The following SYN3 variants were observed in gnomAD, a reference collection of about 807,000 sequenced individuals.
SYN3 encodes synapsin-3.
Under a neutral mutation model 65.8 loss-of-function variants are expected in SYN3, and 35 were observed. That is an observed-to-expected ratio of 0.53 (90% CI 0.41 to 0.70). The LOEUF is 0.70. Among genes scored for constraint, SYN3 ranks in the 30% least tolerant of loss-of-function variants. SYN3 has a pLI of 0.00. For synonymous variants in SYN3, 270 were observed against 292.9 expected (o/e 0.92, Z 0.80); for missense variants, 680 against 749.0 (o/e 0.91, Z 1.08).
At chr22:32,881,395 C>T (rs540196507) in intron 4 of SYN3, among the ~76,000 whole-genome samples, 5 of 152,312 alleles carry the variant, frequency 3.3e-5, no homozygotes, top group Non-Finnish European at 5.9e-5. Context: ...TGTGCTCTGT[C>T]GGGTTAACTA....
At chr22:32,922,078 A>G (rs989402575) in intron 4 of SYN3, among the ~76,000 whole-genome samples, 1 of 152,230 alleles carries the variant, frequency 6.6e-6, no homozygotes, top group East Asian at 1.9e-4. Context: ...AGGTGCCATC[A>G]ATAGTGGTGA....
chr22:33,010,974 C>G (rs527475651), intron 1 of SYN3, among the ~76,000 whole-genome samples: 183 of 152,234 alleles, frequency 1.2e-3, no homozygotes, highest in African/African-American at 4.2e-3. Flanking sequence ...ATTGTTGCTA[C>G]TAGTTGTTTA....
chr22:32,765,238 G>C (rs1442873557), intron 6 of SYN3, among the ~76,000 whole-genome samples: 1 of 152,118 alleles, frequency 6.6e-6, no homozygotes, highest in East Asian at 1.9e-4. Context: ...GGAATGTCGG[G>C]GTCTTCAAGG....
intron 6 of SYN3, among the ~76,000 whole-genome samples, chr22:32,640,096 T>C (rs191605521): frequency 1.5e-3 from 225 of 152,272 alleles, no homozygotes; most frequent in African/African-American, 5.3e-3. Context: ...CCAACTGAAA[T>C]GCTTTTTCTC....
intron 6 of SYN3, among the ~76,000 whole-genome samples, chr22:32,798,591 A>G (rs1367634263): frequency 6.6e-6 from 1 of 151,726 alleles, no homozygotes; most frequent in Non-Finnish European, 1.5e-5. Context: ...GACAGGCCAG[A>G]TAGATCTTGA....
chr22:32,851,793 A>C (rs374100022), intron 6 of SYN3, among the ~76,000 whole-genome samples: 2 of 151,794 alleles, frequency 1.3e-5, no homozygotes, highest in African/African-American at 4.8e-5. Context: ...CCTTTCATTC[A>C]CTCTGACCCT....
chr22:32,748,916 C>T (rs915916433), intron 6 of SYN3, among the ~76,000 whole-genome samples: 2 of 152,144 alleles, frequency 1.3e-5, no homozygotes, highest in Admixed American at 1.3e-4. Flanking sequence ...TCTGGTGATA[C>T]TTTTGGGTTC....
At chr22:32,783,311 T>G (rs1317032656) in intron 6 of SYN3, 2 of 152,226 alleles carry the variant, frequency 1.3e-5, no homozygotes, top group Admixed American at 6.5e-5. Flanking sequence ...TGGGACGGGT[T>G]GGAGTACACT....
In SYN3 at chr22:33,030,678, C is replaced by A. The variant is rs1030493519; in HGVS notation, c.-162-23854G>T. Reference sequence around the variant, plus strand: ...ATAGAGACAGAGAGAGAGAGAGATACAGAGAGAGACAGAGAGATCAACACA... The same window carrying A: ...ATAGAGACAGAGAGAGAGAGAGATAAAGAGAGAGACAGAGAGATCAACACA... On this transcript the variant is annotated intron_variant, in intron 1 of 13. Coordinates refer to ENST00000358763, the MANE Select transcript of SYN3 (RefSeq NM_003490.4). Among the ~76,000 whole-genome samples, 7 of 142,798 alleles carry A rather than the reference C, an allele frequency of 4.9e-5. 1 individual carries two copies. The highest frequency in any genetic ancestry group is 4.3e-4 in the East Asian group (2 of 4,676). The allele number at this position is 142,798 out of a possible 152,430, so 93.7% of individuals were successfully genotyped here.
intron 2 of SYN3, among the ~76,000 whole-genome samples, chr22:32,991,322 A>T (rs182041444): frequency 1.5e-3 from 208 of 137,676 alleles, no homozygotes; most frequent in African/African-American, 5.3e-3. Flanking sequence ...TGGGTAACAG[A>T]GTGAGACTCC....
intron 9 of SYN3, among the ~76,000 whole-genome samples, chr22:32,535,173 G>C (rs2058142751): frequency 6.6e-6 from 1 of 152,178 alleles, no homozygotes; most frequent in African/African-American, 2.4e-5. Context: ...TCTGATTCCA[G>C]CTTCCAAGCA....
intron 4 of SYN3, among the ~76,000 whole-genome samples, chr22:32,880,734 T>G (rs2049107902): frequency 6.6e-6 from 1 of 152,194 alleles, no homozygotes; most frequent in African/African-American, 2.4e-5. Flanking sequence ...CAGATGAGGA[T>G]AACTGAAACC....
At chr22:32,769,372 C>G (rs2145763476) in intron 6 of SYN3, among the ~76,000 whole-genome samples, 1 of 152,304 alleles carries the variant, frequency 6.6e-6, no homozygotes, top group Non-Finnish European at 1.5e-5. Context: ...TGAAGCTGCA[C>G]TTGACATAGT....
chr22:32,585,734 C>T (rs2059013298), intron 7 of SYN3, among the ~76,000 whole-genome samples: 2 of 149,352 alleles, frequency 1.3e-5, no homozygotes, highest in African/African-American at 5.1e-5. Flanking sequence ...TTGGGTTACA[C>T]AGAGAAGCAG....
At chr22:32,765,046 C>T (rs971384730) in intron 6 of SYN3, among the ~76,000 whole-genome samples, 3 of 151,418 alleles carry the variant, frequency 2.0e-5, no homozygotes, top group Non-Finnish European at 4.4e-5. Flanking sequence ...GTCCAGTTTC[C>T]GGCTTCCTGA....
intron 7 of SYN3, among the ~76,000 whole-genome samples, chr22:32,583,663 G>T (rs2058981504): frequency 2.0e-5 from 3 of 152,056 alleles, no homozygotes; most frequent in South Asian, 4.2e-4. Flanking sequence ...GTCCTCACAG[G>T]GATAACAAAA....
chr22:32,552,196 A>C (rs2058426880), intron 7 of SYN3, among the ~76,000 whole-genome samples: 1 of 152,194 alleles, frequency 6.6e-6, no homozygotes, highest in Non-Finnish European at 1.5e-5. Context: ...CAGTGGAGCA[A>C]GATCGCGCCA....
At chr22:32,902,805 G>T in intron 4 of SYN3, among the ~76,000 whole-genome samples, 1 of 149,592 alleles carries the variant, frequency 6.7e-6, no homozygotes. Flanking sequence ...AAATAGAGAA[G>T]ATCTGAATAT....
At chr22:32,975,201 C>G (rs544678979) in intron 3 of SYN3, among the ~76,000 whole-genome samples, 5 of 152,022 alleles carry the variant, frequency 3.3e-5, no homozygotes, top group African/African-American at 4.8e-5. Flanking sequence ...ATGGTGAAAC[C>G]CTGTCTTTAC....
Sources: allele counts gnomAD v4.1 joint callset (sites outside exome capture counted in the v4.1 genomes callset), GRCh38; gene constraint gnomAD v4.1.1; transcripts MANE v1.5; gene names NCBI Gene and HGNC (gene_info 2026-07-23, HGNC 2026-07-21).